Variants in PDE1A observed in about 807,000 individuals in gnomAD.
PDE1A encodes phosphodiesterase 1A, also known as dual specificity calcium/calmodulin-dependent 3',5'-cyclic nucleotide phosphodiesterase 1A.
PDE1A carries 35 observed loss-of-function variants against 61.7 expected under a neutral mutation model. The ratio of observed to expected loss-of-function variants is 0.57; its 90% CI spans 0.43 to 0.75. The LOEUF is 0.75. PDE1A is among the 30% of genes least tolerant of loss of function. The pLI is 0.00. For synonymous variants in PDE1A, 232 were observed against 213.2 expected (o/e 1.09, Z -0.77); for missense variants, 597 against 630.6 (o/e 0.95, Z 0.57).
chr2:182,161,486 C>T (rs978760948), intron 13 of PDE1A, among the ~76,000 whole-genome samples: 2 of 152,044 alleles, frequency 1.3e-5, no homozygotes, highest in African/African-American at 4.8e-5. Flanking sequence ...GGCAGTGGCA[C>T]CCCCACCCAC....
intron 1 of PDE1A, among the ~76,000 whole-genome samples, chr2:182,393,468 C>T (rs1298843638): frequency 1.3e-5 from 2 of 152,162 alleles, no homozygotes; most frequent in African/African-American, 4.8e-5. Flanking sequence ...ACATTTTCCC[C>T]ACTGCCTTGG....
intron 2 of PDE1A, among the ~76,000 whole-genome samples, chr2:182,440,499 T>A (rs1370082333): frequency 6.6e-6 from 1 of 152,100 alleles, no homozygotes; most frequent in Non-Finnish European, 1.5e-5. Context: ...AGACATCATA[T>A]ACTTCCACTC....
chr2:182,670,891 C>T, the PDE1A span, among the ~76,000 whole-genome samples: 2 of 151,308 alleles, frequency 1.3e-5, no homozygotes, highest in African/African-American at 2.4e-5. Flanking sequence ...GATCTCGGCT[C>T]ACTGCAACCT....
chr2:182,201,386 A>G (rs1686614683), intron 10 of PDE1A, 53 bp downstream of exon 10: 2 of 1,603,510 alleles, frequency 1.2e-6, no homozygotes, highest in African/African-American at 2.7e-5. Flanking sequence ...GTGTACGCTA[A>G]TATGCACAGT....
chr2:182,571,822 A>G, the PDE1A span, among the ~76,000 whole-genome samples: 3 of 152,178 alleles, frequency 2.0e-5, no homozygotes, highest in African/African-American at 7.2e-5. Flanking sequence ...CCATTATGCC[A>G]GCAGAATTCT....
chr2:182,176,252 T>C (rs1487370989), intron 13 of PDE1A, among the ~76,000 whole-genome samples: 14 of 148,834 alleles, frequency 9.4e-5, no homozygotes, highest in African/African-American at 3.6e-4. Flanking sequence ...GGGGATGGCA[T>C]TGAATCTGTA....
chr2:182,683,156 G>A, the PDE1A span, among the ~76,000 whole-genome samples: 461 of 149,558 alleles, frequency 3.1e-3, 2 homozygotes, highest in South Asian at 5.7e-3. Context: ...GCAGTGGTGC[G>A]ATCTCGGCTC....
the PDE1A span, among the ~76,000 whole-genome samples, chr2:182,681,160 T>G: frequency 0.57 from 85,224 of 150,300 alleles, 25,082 homozygotes; most frequent in Middle Eastern, 0.71. Flanking sequence ...TTTTTTTGTT[T>G]TTTTTTTTTT....
At chr2:182,429,064 C>G (rs1465452417), upstream of PDE1A, among the ~76,000 whole-genome samples, 2 of 151,992 alleles carry the variant, frequency 1.3e-5, no homozygotes, top group Non-Finnish European at 2.9e-5. Context: ...GGTTTATATT[C>G]TTTTTTCTTT....
the PDE1A span, among the ~76,000 whole-genome samples, chr2:182,577,669 T>C: frequency 3.0e-4 from 46 of 152,324 alleles, no homozygotes; most frequent in Non-Finnish European, 8.8e-5. Flanking sequence ...TTCATAAAAT[T>C]GCACTTACAG....
chr2:182,420,130 TA>T (rs1426311052), intron 1 of PDE1A, among the ~76,000 whole-genome samples: 3 of 152,080 alleles, frequency 2.0e-5, no homozygotes, highest in Non-Finnish European at 4.4e-5. Flanking sequence ...TTAGAAATAA[TA>T]ATTGGATGCA....
At chr2:182,338,080 A>C (rs1280323321) in intron 1 of PDE1A, among the ~76,000 whole-genome samples, 2 of 152,180 alleles carry the variant, frequency 1.3e-5, no homozygotes, top group African/African-American at 4.8e-5. Flanking sequence ...ATCATTTCAG[A>C]GGTAAGTCTA....
At chr2:182,465,893 C>T (rs1163379221) in intron 2 of PDE1A, among the ~76,000 whole-genome samples, 3 of 151,836 alleles carry the variant, frequency 2.0e-5, no homozygotes, top group East Asian at 3.9e-4. Context: ...ACTTTTGTGG[C>T]CCCAGTGTCT....
intron 2 of PDE1A, among the ~76,000 whole-genome samples, chr2:182,242,885 TCTC>T (rs1690638687): frequency 5.6e-5 from 4 of 71,406 alleles, no homozygotes; most frequent in African/African-American, 1.8e-4. Context: ...CTCTCCTCCC[TCTC>T]TCTCTCTCTC....
At chr2:182,657,035 C>T in the PDE1A span, among the ~76,000 whole-genome samples, 39 of 152,134 alleles carry the variant, frequency 2.6e-4, no homozygotes, top group South Asian at 2.1e-4. Flanking sequence ...CCATCCTAGC[C>T]AACATGGTGA....
the PDE1A span, among the ~76,000 whole-genome samples, chr2:182,542,070 A>G: frequency 6.6e-6 from 1 of 152,156 alleles, no homozygotes; most frequent in South Asian, 2.1e-4. Context: ...AAAATATCTC[A>G]ATTAACCTAT....
At chr2:182,274,677 T>G (rs1310603452) in intron 1 of PDE1A, among the ~76,000 whole-genome samples, 1 of 152,122 alleles carries the variant, frequency 6.6e-6, no homozygotes, top group East Asian at 1.9e-4. Context: ...CCAATTTGAT[T>G]GATTCTCTCT....
At chr2:182,681,727 G>T in the PDE1A span, among the ~76,000 whole-genome samples, 11 of 152,020 alleles carry the variant, frequency 7.2e-5, no homozygotes, top group Non-Finnish European at 1.3e-4. Flanking sequence ...CTCACTGCAA[G>T]CTCCACCTTC....
At chr2:182,519,710 C>T (rs1038872009) in intron 2 of PDE1A, among the ~76,000 whole-genome samples, 1 of 151,816 alleles carries the variant, frequency 6.6e-6, no homozygotes, top group African/African-American at 2.4e-5. Context: ...AAAAGACTCT[C>T]TAAAATGTTA....
Sources: allele counts gnomAD v4.1 joint callset (sites outside exome capture counted in the v4.1 genomes callset), GRCh38; gene constraint gnomAD v4.1.1; transcripts MANE v1.5; gene names NCBI Gene and HGNC (gene_info 2026-07-23, HGNC 2026-07-21).